The following ADAMTS19 variants were observed in gnomAD, a reference collection of about 807,000 sequenced individuals.
ADAMTS19 encodes ADAM metallopeptidase with thrombospondin type 1 motif 19, also known as A disintegrin and metalloproteinase with thrombospondin motifs 19.
In ADAMTS19, 93 loss-of-function variants were observed where a neutral mutation model predicts 153.3. The observed-to-expected ratio is 0.61, with a 90% CI of 0.51 to 0.72. The LOEUF is 0.72. Ranked by LOEUF, ADAMTS19 falls within the 30% of genes least tolerant of loss-of-function variation. ADAMTS19 has a pLI of 0.00. For missense variants in ADAMTS19, 1,482 were observed against 1,552.1 expected, an observed-to-expected ratio of 0.95 and a Z score of 0.76; for synonymous variants, 600 against 556.6, an observed-to-expected ratio of 1.08 and a Z score of -1.10.
chr5:129,704,277 C>T lies in ADAMTS19; in HGVS notation c.3198C>T (p.Thr1066=), dbSNP rs140883541. 3.1e-6 allele frequency: 5 copies of T among 1,613,910 alleles called. No individual in the cohort carries two copies. The highest frequency in any genetic ancestry group is 1.3e-5 in the African/African-American group (1 of 74,898). The change falls in exon 21 of 23, where the codon ACC becomes ACT. Residue 1066 remains threonine (T), a synonymous_variant. Transcript: ENST00000274487. Reference sequence around the variant, plus strand: ...GTGGCAAAGGCATACGTCATCGGACCGTTAGATGTACCAACCCAAGAAAGA... The same window carrying T: ...GTGGCAAAGGCATACGTCATCGGACTGTTAGATGTACCAACCCAAGAAAGA... ...VKCGKGIRHR[T]VRCTNPRKKC... is the part of the protein sequence containing the mutation.
intron 3 of ADAMTS19, among the ~76,000 whole-genome samples, chr5:129,522,936 A>T (rs1751875031): frequency 6.6e-6 from 1 of 151,970 alleles, no homozygotes; most frequent in South Asian, 2.1e-4. Flanking sequence ...CATGCCTGTA[A>T]TCCCAGCCAC....
At chr5:129,534,390 T>C (rs1273604063) in intron 6 of ADAMTS19, among the ~76,000 whole-genome samples, 1 of 152,144 alleles carries the variant, frequency 6.6e-6, no homozygotes, top group Non-Finnish European at 1.5e-5. Context: ...GTTGAATCTC[T>C]GAATAGACCA....
intron 10 of ADAMTS19, among the ~76,000 whole-genome samples, chr5:129,638,576 T>TACACACAC (rs200992336): frequency 5.3e-5 from 4 of 75,794 alleles, no homozygotes; most frequent in African/African-American, 2.5e-4. Context: ...CACACACACA[T>TACACACAC]ACACACACAC....
At chr5:129,524,006 C>T (rs1283834397) in intron 3 of ADAMTS19, among the ~76,000 whole-genome samples, 1 of 152,052 alleles carries the variant, frequency 6.6e-6, no homozygotes, top group Non-Finnish European at 1.5e-5. Context: ...ATAGCCAAGA[C>T]AATCCTAAGC....
intron 11 of ADAMTS19, among the ~76,000 whole-genome samples, chr5:129,647,001 T>C (rs66596401): frequency 0.058 from 8,853 of 152,100 alleles, 401 homozygotes; most frequent in African/African-American, 0.13. Flanking sequence ...TCTCATTGCT[T>C]TTGTTTTCAG....
rs956111111 is a variant in ADAMTS19, at chr5:129,737,192, G to T, written c.3616G>T (p.Ala1206Ser). The change falls in exon 23 of 23, where the codon GCC (alanine) becomes TCC (serine). Residue 1206 changes from alanine to serine, a missense_variant. Coordinates refer to ENST00000274487, the MANE Select transcript of ADAMTS19 (RefSeq NM_133638.6). ...CTGTGAAACATGCAGGGACTTCTAT[G>T]CCCAAAAGCTGCAGCAGAAGAGTTG... Reference protein sequence around the residue: ...RCCETCRDFYAQKLQQKS With the variant: ...RCCETCRDFYSQKLQQKS 3 of 1,606,236 alleles carry T rather than the reference G, an allele frequency of 1.9e-6. No homozygotes were observed. The highest frequency in any genetic ancestry group is 2.6e-6 in the Non-Finnish European group (3 of 1,175,086).
At chr5:129,568,128 A>C (rs1166356754) in intron 7 of ADAMTS19, among the ~76,000 whole-genome samples, 1 of 152,192 alleles carries the variant, frequency 6.6e-6, no homozygotes, top group Non-Finnish European at 1.5e-5. Context: ...GCTTTAAGAG[A>C]ATTGCCAAAG....
In ADAMTS19 at chr5:129,642,163, GTTTTA is replaced by G. The variant is rs373648995; in HGVS notation, c.1872+212_1872+216del. Among the ~76,000 whole-genome samples, 75 of 151,606 alleles carry G rather than the reference GTTTTA, an allele frequency of 4.9e-4. 1 individual carries two copies. The East Asian group carries it at 0.012, about 23-fold the overall frequency. On this transcript the variant is annotated intron_variant, in intron 11 of 22. Transcript: ENST00000274487. Reference sequence around the variant, plus strand: ...GTTTTGTTAATATCAATGTGGTGAGGTTTTATTTTATTTGTTATTTTATTTGTTGT... The same window carrying G: ...GTTTTGTTAATATCAATGTGGTGAGGTTTTATTTGTTATTTTATTTGTTGT...
At chr5:129,515,148 G>T (rs935025564) in intron 3 of ADAMTS19, among the ~76,000 whole-genome samples, 1 of 151,900 alleles carries the variant, frequency 6.6e-6, no homozygotes, top group African/African-American at 2.4e-5. Flanking sequence ...ATTGGTCTAT[G>T]TGCCTGTTTT....
intron 16 of ADAMTS19, among the ~76,000 whole-genome samples, chr5:129,678,383 T>C (rs777229837): frequency 3.3e-5 from 5 of 152,152 alleles, no homozygotes; most frequent in Non-Finnish European, 5.9e-5. Context: ...GCCACGCAAG[T>C]GTCAGCATGT....
rs946346246 is a variant in ADAMTS19, at chr5:129,500,908, G to T, written c.748-8169G>T. Among the ~76,000 whole-genome samples the T allele has an allele frequency of 2.0e-5, 3 of 152,048 alleles. No individual in the cohort carries two copies. In the East Asian group the frequency reaches 5.8e-4, roughly 29 times the overall value. ...GGCAATTAAAAAACACACAAAGATC[G>T]CATAATGCTATTAAGAAACAAGCTT... On this transcript the variant is annotated intron_variant, in intron 2 of 22. Coordinates refer to ENST00000274487, the MANE Select transcript of ADAMTS19 (RefSeq NM_133638.6).
chr5:129,653,626 A>G (rs1436516337), intron 13 of ADAMTS19, among the ~76,000 whole-genome samples: 1 of 152,192 alleles, frequency 6.6e-6, no homozygotes, highest in Non-Finnish European at 1.5e-5. Flanking sequence ...GCAGTTGCGC[A>G]TAACTATGGA....
intron 2 of ADAMTS19, among the ~76,000 whole-genome samples, chr5:129,506,691 A>G (rs891574051): frequency 6.6e-6 from 1 of 152,016 alleles, no homozygotes; most frequent in African/African-American, 2.4e-5. Flanking sequence ...TAATAAAGTT[A>G]GATCCTTTGG....
chr5:129,589,909 G>A (rs1022049680), intron 7 of ADAMTS19, among the ~76,000 whole-genome samples: 10 of 152,196 alleles, frequency 6.6e-5, no homozygotes, highest in African/African-American at 2.4e-4. Flanking sequence ...CATAATAGGA[G>A]ATCTTTTATG....
At chr5:129,501,235 T>A (rs1751094871) in intron 2 of ADAMTS19, among the ~76,000 whole-genome samples, 1 of 152,058 alleles carries the variant, frequency 6.6e-6, no homozygotes, top group Non-Finnish European at 1.5e-5. Flanking sequence ...AACAAAAACC[T>A]TGAAATATTC....
chr5:129,706,833 G>C (rs1756178693), intron 21 of ADAMTS19, among the ~76,000 whole-genome samples: 1 of 152,130 alleles, frequency 6.6e-6, no homozygotes, highest in Non-Finnish European at 1.5e-5. Flanking sequence ...AAGTTCACTA[G>C]GGAGATCATA....
intron 21 of ADAMTS19, among the ~76,000 whole-genome samples, chr5:129,710,822 A>C (rs996635155): frequency 5.3e-5 from 8 of 152,196 alleles, no homozygotes; most frequent in Non-Finnish European, 1.2e-4. Context: ...GAATATACTG[A>C]AGTAACTGAC....
intron 7 of ADAMTS19, among the ~76,000 whole-genome samples, chr5:129,584,299 C>G (rs1454185542): frequency 6.6e-6 from 1 of 152,140 alleles, no homozygotes; most frequent in Non-Finnish European, 1.5e-5. Flanking sequence ...CACCAGATAC[C>G]AGCCAGAACT....
At chr5:129,717,635 T>C (rs1454832582) in intron 21 of ADAMTS19, among the ~76,000 whole-genome samples, 1 of 152,214 alleles carries the variant, frequency 6.6e-6, no homozygotes, top group Non-Finnish European at 1.5e-5. Context: ...TCGTCTTGAA[T>C]CCGTTTGGCT....
Sources: allele counts gnomAD v4.1 joint callset (sites outside exome capture counted in the v4.1 genomes callset), GRCh38; gene constraint gnomAD v4.1.1; transcripts MANE v1.5; gene names NCBI Gene and HGNC (gene_info 2026-07-23, HGNC 2026-07-21).